CDH12: variants seen among roughly 807,000 people sequenced by gnomAD.
CDH12 encodes cadherin-12.
CDH12 carries 41 observed loss-of-function variants against 74.1 expected under a neutral mutation model. That is an observed-to-expected ratio of 0.55 (90% CI 0.43 to 0.72). The LOEUF is 0.72. CDH12 is among the 30% of genes least tolerant of loss of function. CDH12 has a pLI of 0.00. For missense variants in CDH12, 945 were observed against 977.2 expected (o/e 0.97, Z 0.44); for synonymous variants, 399 against 355.0 (o/e 1.12, Z -1.39).
chr5:22,348,095 T>C (rs1262198465), intron 3 of CDH12, among the ~76,000 whole-genome samples: 1 of 152,180 alleles, frequency 6.6e-6, no homozygotes, highest in Admixed American at 6.5e-5. Flanking sequence ...GAGAAGGTCA[T>C]TTTTGCAGTG....
intron 1 of CDH12, among the ~76,000 whole-genome samples, chr5:22,521,159 C>T (rs1049039882): frequency 1.3e-5 from 2 of 151,874 alleles, no homozygotes; most frequent in Non-Finnish European, 2.9e-5. Flanking sequence ...TGTATCTTAT[C>T]AGTTGGAATT....
chr5:22,356,437 C>T (rs1269112700), intron 3 of CDH12, among the ~76,000 whole-genome samples: 1 of 152,090 alleles, frequency 6.6e-6, no homozygotes, highest in Non-Finnish European at 1.5e-5. Flanking sequence ...ATAAAAGCTG[C>T]ATTCACACAG....
chr5:22,417,238 C>T (rs1383781246), intron 2 of CDH12, among the ~76,000 whole-genome samples: 3 of 152,184 alleles, frequency 2.0e-5, no homozygotes, highest in African/African-American at 4.8e-5. Context: ...GCTATGGTTT[C>T]AATGGGTCCA....
intron 3 of CDH12, among the ~76,000 whole-genome samples, chr5:22,277,795 T>C (rs1334650618): frequency 1.3e-5 from 2 of 152,022 alleles, no homozygotes; most frequent in African/African-American, 2.4e-5. Context: ...GATTGCGCCA[T>C]TGCACTCCAG....
At chr5:22,272,022 C>A (rs772192295) in intron 3 of CDH12, among the ~76,000 whole-genome samples, 1 of 152,178 alleles carries the variant, frequency 6.6e-6, no homozygotes, top group Non-Finnish European at 1.5e-5. Context: ...GTCCTTCGAA[C>A]TTTGAAGCCA....
chr5:22,275,419 T>G (rs1736590618), intron 3 of CDH12, among the ~76,000 whole-genome samples: 1 of 152,150 alleles, frequency 6.6e-6, no homozygotes, highest in Admixed American at 6.6e-5. Context: ...ACATTTAATT[T>G]TTTAGTGAAC....
At chr5:22,826,278 T>A (rs1736318255) in intron 1 of CDH12, among the ~76,000 whole-genome samples, 1 of 152,192 alleles carries the variant, frequency 6.6e-6, no homozygotes, top group African/African-American at 2.4e-5. Flanking sequence ...GCCATTCATG[T>A]AAGATGTGAC....
At chr5:22,365,655 A>T (rs75417997) in intron 3 of CDH12, among the ~76,000 whole-genome samples, 4,055 of 152,308 alleles carry the variant, frequency 0.027, 99 homozygotes, top group Non-Finnish European at 0.04. Context: ...TTCTTATAGA[A>T]ATGAAGCATC....
rs570135609 is a variant in CDH12 at position 22,713,578 on chromosome 5, C to T, written c.-523+139480G>A. The stretch of plus-strand genomic sequence containing the variant: ...TGCTGGAAAAATGTGTGACACAATA[C>T]ACACTGCGTAAGTGTTTTCAATAAA... On this transcript the variant is annotated intron_variant, in intron 1 of 14. Transcript: ENST00000382254. Among the ~76,000 whole-genome samples the T allele has an allele frequency of 4.2e-3, 579 of 138,660 alleles. 21 individuals carry two copies. Among genetic ancestry groups the T allele is most frequent in the Admixed American group, 0.036 (514 of 14,136 alleles). The allele number at this position is 138,660 out of a possible 152,430, so 91.0% of individuals were successfully genotyped here.
At chr5:22,558,340 C>A (rs548660032) in intron 1 of CDH12, among the ~76,000 whole-genome samples, 250 of 152,036 alleles carry the variant, frequency 1.6e-3, no homozygotes, top group African/African-American at 5.8e-3. Flanking sequence ...ACACTTCCTG[C>A]CAAAAGGAAG....
At chr5:22,772,293 G>C (rs1251221451) in intron 1 of CDH12, among the ~76,000 whole-genome samples, 1 of 152,018 alleles carries the variant, frequency 6.6e-6, no homozygotes, top group Non-Finnish European at 1.5e-5. Context: ...TGTACTCGAG[G>C]AACAGCAAGA....
intron 4 of CDH12, among the ~76,000 whole-genome samples, chr5:22,112,866 A>G (rs376581377): frequency 2.0e-5 from 3 of 152,172 alleles, no homozygotes; most frequent in East Asian, 1.9e-4. Context: ...AAGCACAGAT[A>G]TACATTAAAG....
intron 5 of CDH12, among the ~76,000 whole-genome samples, chr5:21,991,481 G>A (rs1000050525): frequency 1.7e-4 from 8 of 45,752 alleles, no homozygotes; most frequent in Admixed American, 1.7e-3. Flanking sequence ...ATAAATACAA[G>A]GCCAAATATA....
chr5:21,815,850 T>G (rs190385286), intron 9 of CDH12, among the ~76,000 whole-genome samples: 1 of 152,174 alleles, frequency 6.6e-6, no homozygotes, highest in Admixed American at 6.6e-5. Context: ...GGGGTTAGAG[T>G]TACTTCTCAA....
chr5:22,470,343 T>C (rs956493473), intron 2 of CDH12, among the ~76,000 whole-genome samples: 18 of 152,048 alleles, frequency 1.2e-4, no homozygotes, highest in African/African-American at 4.3e-4. Context: ...AGACTTAAAA[T>C]TTTTAGTTTT....
Position 22,511,109 on chromosome 5 carries a change from G to C in CDH12, c.-522-5745C>G, listed in dbSNP as rs1240276530. 2.0e-4 allele frequency among the ~76,000 whole-genome samples: 30 copies of C among 152,082 alleles called. 1 individual carries two copies. The stretch of plus-strand genomic sequence containing the variant: ...AGGGTTTCACCATGTTGGCCAAACT[G>C]ATCTTGAACTCCTGACCTCAAGTGA... On this transcript the variant is annotated intron_variant, in intron 1 of 14. Coordinates refer to ENST00000382254, the MANE Select transcript of CDH12 (RefSeq NM_004061.5).
intron 2 of CDH12, among the ~76,000 whole-genome samples, chr5:22,461,794 G>T (rs941184137): frequency 4.7e-5 from 7 of 148,318 alleles, no homozygotes; most frequent in African/African-American, 1.7e-4. Context: ...TAATTTTCAT[G>T]TTTTTTTTTC....
At chr5:22,263,251 A>G (rs77473042) in intron 3 of CDH12, among the ~76,000 whole-genome samples, 3,860 of 152,252 alleles carry the variant, frequency 0.025, 73 homozygotes, top group African/African-American at 0.052. Context: ...TCATCTCAAG[A>G]TTCTTCCTGC....
intron 1 of CDH12, among the ~76,000 whole-genome samples, chr5:22,790,011 A>G (rs1747829183): frequency 6.6e-6 from 1 of 152,086 alleles, no homozygotes; most frequent in African/African-American, 2.4e-5. Flanking sequence ...TTTTAGAAGA[A>G]TAGGAGTTTC....
Sources: allele counts gnomAD v4.1 joint callset (sites outside exome capture counted in the v4.1 genomes callset), GRCh38; gene constraint gnomAD v4.1.1; transcripts MANE v1.5; gene names NCBI Gene and HGNC (gene_info 2026-07-23, HGNC 2026-07-21).